The following DSE variants were observed in gnomAD, a reference collection of about 807,000 sequenced individuals.
DSE encodes dermatan sulfate epimerase.
Under a neutral mutation model 84.4 loss-of-function variants are expected in DSE, and 36 were observed. That is an observed-to-expected ratio of 0.43 (90% confidence interval 0.33 to 0.56). DSE has a LOEUF of 0.56. Among genes scored for constraint, DSE ranks in the 20% least tolerant of loss-of-function variants. The probability of loss-of-function intolerance (pLI) is 0.06; values close to 1 mark genes in which losing one functional copy is unlikely to be tolerated. For synonymous variants in DSE, 410 were observed against 430.1 expected (o/e 0.95, Z 0.58); for missense variants, 862 against 1,169.6 (o/e 0.74, Z 3.84).
At chr6:116,397,547 G>C (rs1027952055) in intron 1 of DSE, among the ~76,000 whole-genome samples, 5 of 152,036 alleles carry the variant, frequency 3.3e-5, no homozygotes, top group Admixed American at 6.6e-5. Context: ...TAAGCCCCTG[G>C]GGGGACTGAG....
intron 2 of DSE, among the ~76,000 whole-genome samples, chr6:116,292,715 G>T (rs981401133): frequency 3.3e-5 from 5 of 152,044 alleles, no homozygotes; most frequent in African/African-American, 1.2e-4. Context: ...GTAGAAGAAA[G>T]GTTGGATAAA....
chr6:116,398,580 A>G (rs1781396046), intron 1 of DSE, among the ~76,000 whole-genome samples: 1 of 152,246 alleles, frequency 6.6e-6, no homozygotes, highest in Non-Finnish European at 1.5e-5. Context: ...ATGTCAGCCC[A>G]GGAAATACAC....
chr6:116,261,382 GT>G (rs1286146339), intron 2 of DSE, among the ~76,000 whole-genome samples: 4 of 152,140 alleles, frequency 2.6e-5, no homozygotes, highest in African/African-American at 9.6e-5. Flanking sequence ...TGTGGCTATT[GT>G]GAATGGGATT....
intron 3 of DSE, among the ~76,000 whole-genome samples, chr6:116,430,005 A>G (rs1410607792): frequency 6.6e-6 from 1 of 152,228 alleles, no homozygotes; most frequent in Non-Finnish European, 1.5e-5. Flanking sequence ...AACTAAGTGC[A>G]ACAGTTCTAG....
chr6:116,360,047 C>A (rs567021443), intron 2 of DSE, among the ~76,000 whole-genome samples: 35 of 152,308 alleles, frequency 2.3e-4, no homozygotes, highest in Non-Finnish European at 4.0e-4. Context: ...GGAACAAGAT[C>A]ATGTCCTTTG....
chr6:116,298,672 T>C (rs1235918967), intron 2 of DSE, among the ~76,000 whole-genome samples: 1 of 152,200 alleles, frequency 6.6e-6, no homozygotes, highest in Non-Finnish European at 1.5e-5. Flanking sequence ...TCACTACGTG[T>C]GTGATAATGT....
intron 2 of DSE, among the ~76,000 whole-genome samples, chr6:116,311,386 T>C (rs1400328172): frequency 1.3e-5 from 2 of 152,188 alleles, no homozygotes; most frequent in Admixed American, 6.5e-5. Flanking sequence ...TGAAATATAG[T>C]AGAAATAAAG....
chr6:116,317,745 C>T (rs1433986979), intron 2 of DSE, among the ~76,000 whole-genome samples: 2 of 152,126 alleles, frequency 1.3e-5, no homozygotes, highest in African/African-American at 4.8e-5. Context: ...ACAAAGTGTG[C>T]AATTGTTTGG....
At chr6:116,356,481 A>G (rs1026151305) in intron 2 of DSE, among the ~76,000 whole-genome samples, 6 of 152,238 alleles carry the variant, frequency 3.9e-5, no homozygotes, top group Non-Finnish European at 8.8e-5. Flanking sequence ...TTTTAAAAAC[A>G]TATTTTAATG....
intron 2 of DSE, among the ~76,000 whole-genome samples, chr6:116,341,905 T>C (rs1777619035): frequency 1.3e-5 from 2 of 152,230 alleles, no homozygotes; most frequent in Admixed American, 1.3e-4. Context: ...CCTTGTAATA[T>C]AGTTTGAAGT....
intron 2 of DSE, among the ~76,000 whole-genome samples, chr6:116,340,942 T>A (rs1777554192): frequency 6.6e-6 from 1 of 152,246 alleles, no homozygotes; most frequent in South Asian, 2.1e-4. Context: ...AGTGCTGCAG[T>A]AAACATATGT....
chr6:116,424,229 A>G (rs1169163416), intron 2 of DSE, among the ~76,000 whole-genome samples: 2 of 151,436 alleles, frequency 1.3e-5, no homozygotes, highest in Non-Finnish European at 2.9e-5. Context: ...GATATTCCCA[A>G]CTCCCTGGCA....
chr6:116,423,794 ATTTAGATAACTT>A (rs1254656840), intron 2 of DSE, among the ~76,000 whole-genome samples: 7 of 152,186 alleles, frequency 4.6e-5, no homozygotes, highest in Non-Finnish European at 8.8e-5. Context: ...TTGGTGAAAG[ATTTAGATAACTT>A]TTTAGAAATA....
At position 116,436,204 on chromosome 6, in the gene DSE, C is replaced by T. The variant is rs762084403; in HGVS notation, c.1736C>T (p.Pro579Leu). The change falls in exon 6 of 6, where the codon CCC (proline) becomes CTC (leucine). Residue 579 changes from proline to leucine, a missense_variant. Physicochemically the swap from Pro to Leu is moderately conservative, Grantham distance 98. Around this residue, in one of 4 missense-constraint regions of DSE, gnomAD observed 186 missense variants for 255.1 expected, o/e 0.73. Transcript: ENST00000644252. Reference sequence around the variant, plus strand: ...CAAATACACCTGGGAGAGGAGAGTCCCTTGGAGACAGCAGCGAGCTTCTTC... The same window carrying T: ...CAAATACACCTGGGAGAGGAGAGTCTCTTGGAGACAGCAGCGAGCTTCTTC... ...VDQIHLGEES[P>L]LETAASFFHN... 2.7e-5 allele frequency: 44 copies of T among 1,613,760 alleles called. No individual in the cohort carries two copies. In the Admixed American group the frequency reaches 6.7e-4, roughly 24 times the overall value.
At chr6:116,423,362 C>T (rs758667234) in intron 2 of DSE, among the ~76,000 whole-genome samples, 5 of 95,094 alleles carry the variant, frequency 5.3e-5, no homozygotes, top group Non-Finnish European at 1.1e-4. Flanking sequence ...AAGGCTTCTG[C>T]GTTCCCTCAC....
At chr6:116,264,696 T>C (rs1772545854) in intron 2 of DSE, among the ~76,000 whole-genome samples, 1 of 152,190 alleles carries the variant, frequency 6.6e-6, no homozygotes, top group African/African-American at 2.4e-5. Flanking sequence ...TTCTTATCTT[T>C]GTGGTCTTGT....
chr6:116,313,354 C>T (rs541558806), intron 2 of DSE, among the ~76,000 whole-genome samples: 1 of 152,242 alleles, frequency 6.6e-6, no homozygotes, highest in South Asian at 2.1e-4. Context: ...TTATGGCAGC[C>T]TTAGGAAACT....
intron 2 of DSE, among the ~76,000 whole-genome samples, chr6:116,335,037 G>A (rs1214796030): frequency 6.6e-6 from 1 of 152,112 alleles, no homozygotes; most frequent in African/African-American, 2.4e-5. Flanking sequence ...TATACTCAAA[G>A]GAATGTAAAT....
intron 2 of DSE, among the ~76,000 whole-genome samples, chr6:116,358,567 T>C (rs1778704692): frequency 6.6e-6 from 1 of 152,210 alleles, no homozygotes; most frequent in Non-Finnish European, 1.5e-5. Context: ...AGCTGATAGC[T>C]TCTAGGCTGT....
Sources: allele counts gnomAD v4.1 joint callset (sites outside exome capture counted in the v4.1 genomes callset), GRCh38; gene constraint gnomAD v4.1.1; regional missense constraint gnomAD v4.1.1; transcripts MANE v1.5; gene names NCBI Gene and HGNC (gene_info 2026-07-23, HGNC 2026-07-21).